Variants in IQGAP1 observed in about 807,000 individuals in gnomAD.
IQGAP1 encodes the protein IQ motif containing GTPase activating protein 1, also known as ras GTPase-activating-like protein IQGAP1.
In IQGAP1, 66 loss-of-function variants were observed where a neutral mutation model predicts 215.6. That is an observed-to-expected ratio of 0.31 (90% CI 0.25 to 0.38). The LOEUF (loss-of-function observed/expected upper bound fraction) is 0.38. IQGAP1 is among the 10% of genes least tolerant of loss of function. IQGAP1 has a pLI of 1.00. For missense variants in IQGAP1, 1,712 were observed against 1,997.1 expected (o/e 0.86, Z 2.72); for synonymous variants, 772 against 728.7 (o/e 1.06, Z -0.96).
rs188515385 is a variant in IQGAP1, at chr15:90,410,183, T to A, written c.156-15927T>A. Among the ~76,000 whole-genome samples the A allele has an allele frequency of 5.2e-3, 798 of 152,326 alleles. 5 individuals carry two copies. The highest frequency in any genetic ancestry group is 0.019 in the African/African-American group (770 of 41,576). ...CCCATTTCTCAATTTTGGCTTTTGT[T>A]GCCGTTGCTTTTGGTGTTTTAGACA... On this transcript the variant is annotated intron_variant, in intron 2 of 37. Coordinates refer to ENST00000268182, the MANE Select transcript of IQGAP1 (RefSeq NM_003870.4).
At chr15:90,473,641 A>G (rs1965935825) in intron 19 of IQGAP1, 74 bp from the exon 20 acceptor site, 5 of 1,074,366 alleles carry the variant, frequency 4.7e-6, no homozygotes, top group Middle Eastern at 2.3e-4. Context: ...TCATGTATCA[A>G]GATGAAAGTT....
chr15:90,449,765 G>A, intron 11 of IQGAP1, 122 bp downstream of exon 11: 1 of 676,538 alleles, frequency 1.5e-6, no homozygotes, highest in Non-Finnish European at 2.4e-6. Flanking sequence ...CCAACTGCCA[G>A]GTACTTTTGG....
intron 2 of IQGAP1, among the ~76,000 whole-genome samples, chr15:90,414,369 A>G (rs1238592839): frequency 6.6e-6 from 1 of 152,168 alleles, no homozygotes; most frequent in African/African-American, 2.4e-5. Context: ...AAAGAAGCCT[A>G]CATTTGCTGC....
intron 2 of IQGAP1, among the ~76,000 whole-genome samples, chr15:90,403,578 G>A (rs1347634975): frequency 6.6e-6 from 1 of 152,152 alleles, no homozygotes; most frequent in Non-Finnish European, 1.5e-5. Flanking sequence ...CTGCTATCAT[G>A]ATTGTGTCTC....
At chr15:90,445,945 G>A (rs886310518) in intron 9 of IQGAP1, among the ~76,000 whole-genome samples, 2 of 151,048 alleles carry the variant, frequency 1.3e-5, no homozygotes, top group South Asian at 2.1e-4. Flanking sequence ...GATTTCTTCT[G>A]CCTCAGCCTC....
At chr15:90,432,217 C>G (rs928730322) in intron 4 of IQGAP1, among the ~76,000 whole-genome samples, 3 of 152,126 alleles carry the variant, frequency 2.0e-5, no homozygotes, top group African/African-American at 7.2e-5. Flanking sequence ...ACTGAACTTC[C>G]CTTCCTCTAT....
intron 2 of IQGAP1, among the ~76,000 whole-genome samples, chr15:90,395,164 T>A (rs984007782): frequency 6.6e-6 from 1 of 152,228 alleles, no homozygotes; most frequent in Admixed American, 6.5e-5. Flanking sequence ...TAATGAGATA[T>A]CACCTAACGA....
intron 2 of IQGAP1, among the ~76,000 whole-genome samples, chr15:90,418,482 G>C (rs527969732): frequency 1.3e-5 from 2 of 152,188 alleles, no homozygotes; most frequent in East Asian, 3.9e-4. Flanking sequence ...CAGCTACTCA[G>C]GAGGCTGAGG....
chr15:90,417,051 T>C (rs1427267135), intron 2 of IQGAP1, among the ~76,000 whole-genome samples: 1 of 152,222 alleles, frequency 6.6e-6, no homozygotes, highest in East Asian at 1.9e-4. Flanking sequence ...TACTTTGTGA[T>C]GGGGTTGTTT....
intron 23 of IQGAP1, 51 bp from the exon 24 acceptor site, chr15:90,476,612 G>T: frequency 2.1e-6 from 3 of 1,420,838 alleles, no homozygotes; most frequent in Non-Finnish European, 2.9e-6. Context: ...TCAATGCCCA[G>T]AGGTTCATCT....
intron 4 of IQGAP1, chr15:90,429,874 A>G (rs919067875): frequency 5.4e-5 from 20 of 372,728 alleles, no homozygotes; most frequent in African/African-American, 4.2e-4. Flanking sequence ...TACCCTAGAG[A>G]AATTCCCTGT....
At chr15:90,473,049 C>T (rs1965927664) in intron 19 of IQGAP1, 39 bp downstream of exon 19, 3 of 1,588,126 alleles carry the variant, frequency 1.9e-6, no homozygotes, top group Non-Finnish European at 2.6e-6. Flanking sequence ...AAGCGGGCAT[C>T]TAGAGCAGGG....
chr15:90,429,275 G>A (rs1030025206), intron 3 of IQGAP1, among the ~76,000 whole-genome samples: 2 of 152,208 alleles, frequency 1.3e-5, no homozygotes, highest in African/African-American at 4.8e-5. Context: ...GTAAAACTCT[G>A]TCCCTAAAGG....
chr15:90,469,802 A>T (rs534017777), intron 18 of IQGAP1, among the ~76,000 whole-genome samples: 124 of 152,232 alleles, frequency 8.1e-4, no homozygotes, highest in Middle Eastern at 6.8e-3. Context: ...TGCTGAAATT[A>T]TAAAAAGGAA....
intron 2 of IQGAP1, among the ~76,000 whole-genome samples, chr15:90,424,338 T>C (rs1303836581): frequency 6.6e-6 from 1 of 152,222 alleles, no homozygotes; most frequent in Non-Finnish European, 1.5e-5. Flanking sequence ...TCATTTATTA[T>C]GACAACTCTT....
At chr15:90,406,508 A>G (rs1964880295) in intron 2 of IQGAP1, among the ~76,000 whole-genome samples, 1 of 152,244 alleles carries the variant, frequency 6.6e-6, no homozygotes. Flanking sequence ...TTAGATAGTG[A>G]TGACGGTTGT....
intron 18 of IQGAP1, among the ~76,000 whole-genome samples, chr15:90,468,527 T>C (rs563672482): frequency 6.6e-6 from 1 of 152,284 alleles, no homozygotes; most frequent in South Asian, 2.1e-4. Context: ...TGATTGTTGG[T>C]ATCATAAAAG....
chr15:90,445,338 T>G (rs1965512793), intron 9 of IQGAP1, among the ~76,000 whole-genome samples: 1 of 152,040 alleles, frequency 6.6e-6, no homozygotes, highest in South Asian at 2.1e-4. Flanking sequence ...TGTCATGTAA[T>G]CTCCCTACTG....
intron 16 of IQGAP1, 66 bp downstream of exon 16, chr15:90,466,157 T>C: frequency 6.3e-7 from 1 of 1,578,424 alleles, no homozygotes; most frequent in Middle Eastern, 1.7e-4. Flanking sequence ...CCGTACAGCT[T>C]GACCAAGATA....
Sources: allele counts gnomAD v4.1 joint callset (sites outside exome capture counted in the v4.1 genomes callset), GRCh38; gene constraint gnomAD v4.1.1; transcripts MANE v1.5; gene names NCBI Gene and HGNC (gene_info 2026-07-23, HGNC 2026-07-21).